Variants in ZFTA observed in about 807,000 individuals in gnomAD.
ZFTA encodes zinc finger translocation associated, also known as zinc finger translocation-associated protein.
A neutral mutation model predicts 41.8 loss-of-function variants in ZFTA; 35 were observed. The ratio of observed to expected loss-of-function variants is 0.84; its 90% CI spans 0.64 to 1.11. The LOEUF is 1.11. Among genes scored for constraint, ZFTA ranks in the 50% most tolerant of loss-of-function variants. ZFTA has a pLI of 0.00. For missense variants in ZFTA, 964 were observed against 989.8 expected (o/e 0.97, Z 0.35); for synonymous variants, 514 against 436.4 (o/e 1.18, Z -2.22).
chr11:63,768,208 C>A (rs1232382774), intron 1 of ZFTA, among the ~76,000 whole-genome samples: 1 of 151,700 alleles, frequency 6.6e-6, no homozygotes. Flanking sequence ...CCCCGTGGGG[C>A]CCCTCGGGCC....
rs907620730 is a variant in ZFTA, at chr11:63,761,677, G to A, written c.*1741C>T. Reference sequence around the variant, plus strand: ...CTCCAATTTACCTATCTGTGAAGGTGAGGAGGGTAGTACTAGTGATCTCCA... The same window carrying A: ...CTCCAATTTACCTATCTGTGAAGGTAAGGAGGGTAGTACTAGTGATCTCCA... On this transcript the variant is annotated 3_prime_UTR_variant, in exon 5 of 5. Coordinates refer to ENST00000433688, the MANE Select transcript of ZFTA (RefSeq NM_001144936.2). The A allele has an allele frequency of 1.3e-5, 2 of 152,298 alleles. No individual in the cohort carries two copies. The highest frequency in any genetic ancestry group is 2.4e-5 in the African/African-American group (1 of 41,448). 9.4% of individuals were successfully genotyped at this position (152,298 alleles called of 1,614,324 possible).
In ZFTA at chr11:63,764,497, C is replaced by T; in HGVS notation, c.1126G>A (p.Glu376Lys). 7.9e-7 allele frequency: 1 copy of T among 1,258,338 alleles called. No individual in the cohort carries two copies. The highest frequency in any genetic ancestry group is 1.0e-6 in the Non-Finnish European group (1 of 996,326). 77.9% of individuals were successfully genotyped at this position (1,258,338 alleles called of 1,614,324 possible). A position where few individuals can be genotyped will look rare whatever the true frequency, so the allele number is the denominator to read the frequency against. ...SQDLSPPDVK[E>K]EAGWVPERPG... ...CTCTCAGGGACCCAGCCAGCCTCTT[C>T]CTTTACGTCTGGGGGGCTGAGATCC... The change falls in exon 4 of 5, where the codon GAA (glutamate) becomes AAA (lysine). Residue 376 changes from glutamate to lysine, a missense_variant. This residue lies in a region of ZFTA where 584 missense variants were observed against 523.1 expected (regional missense o/e 1.12). Transcript: ENST00000433688.
At position 63,763,417 on chromosome 11, in the gene ZFTA, G is replaced by T; in HGVS notation, c.*1C>A. The T allele has an allele frequency of 1.5e-6, 2 of 1,311,542 alleles. No homozygotes were observed. Among genetic ancestry groups the T allele is most frequent in the Non-Finnish European group, 9.7e-7 (1 of 1,029,166 alleles). The allele number at this position is 1,311,542 out of a possible 1,614,324, so 81.2% of individuals were successfully genotyped here. A position where few individuals can be genotyped will look rare whatever the true frequency, so the allele number is the denominator to read the frequency against. ...ACCTGACCCGGGGGCCCGCTAGGCC[G>T]CTACGCCCGACACACAGCGCCAGAC... On this transcript the variant is annotated 3_prime_UTR_variant, in exon 5 of 5. Transcript: ENST00000433688.
chr11:63,765,765 C>T lies in ZFTA; in HGVS notation c.637+42G>A. 1 of 1,434,978 alleles carries T rather than the reference C, an allele frequency of 7.0e-7. No individual in the cohort carries two copies. Among genetic ancestry groups the T allele is most frequent in the Non-Finnish European group, 9.1e-7 (1 of 1,096,426 alleles). 88.9% of individuals were successfully genotyped at this position (1,434,978 alleles called of 1,614,324 possible). A position where few individuals can be genotyped will look rare whatever the true frequency, so the allele number is the denominator to read the frequency against. Reference sequence around the variant, plus strand: ...CAGCTGGCCCACTGTGCCCCACTGGCCACCCAGGCCCCTGCCTGTACAGAA... The same window carrying T: ...CAGCTGGCCCACTGTGCCCCACTGGTCACCCAGGCCCCTGCCTGTACAGAA... On this transcript the variant is annotated intron_variant, in intron 2 of 4. Coordinates refer to ENST00000433688, the MANE Select transcript of ZFTA (RefSeq NM_001144936.2). The surrounding 1 kb of genome is among the most constrained non-coding windows in gnomAD (Gnocchi z 4.0).
At chr11:63,768,343 G>T (rs1342008695) in intron 1 of ZFTA, 141 bp downstream of exon 1, 3 of 365,912 alleles carry the variant, frequency 8.2e-6, no homozygotes, top group African/African-American at 2.2e-5. Flanking sequence ...CTGCAGCCGC[G>T]CTCCGCGCCC....
chr11:63,764,784 A>C, intron 3 of ZFTA, 84 bp downstream of exon 3: 1 of 1,420,032 alleles, frequency 7.0e-7, no homozygotes, highest in Non-Finnish European at 9.2e-7. Flanking sequence ...CCTCAGCCCT[A>C]AGTCCCTGCC....
Position 63,763,760 on chromosome 11 carries a change from A to G in ZFTA, c.1695T>C (p.Pro565=), listed in dbSNP as rs1018257153. The part of the protein sequence containing the change: ...PGGLALPPPP[P]PPPPPPPRSR... ...TGCGGGGCGGGGGCGGAGGCGGGGG[A>G]GGAGGCGGCGGCGGCAAGGCGAGTC... Residue 565 remains proline, a synonymous_variant, in exon 5 of 5, where the codon CCT becomes CCC. Coordinates refer to ENST00000433688, the MANE Select transcript of ZFTA (RefSeq NM_001144936.2). The G allele has an allele frequency of 6.8e-7, 1 of 1,465,564 alleles. No individual in the cohort carries two copies. The highest frequency in any genetic ancestry group is 9.0e-7 in the Non-Finnish European group (1 of 1,110,406). The allele number at this position is 1,465,564 out of a possible 1,614,324, so 90.8% of individuals were successfully genotyped here.
rs533928835 is a variant in ZFTA, at chr11:63,764,383, G to C, written c.1240C>G (p.His414Asp). The change falls in exon 4 of 5, where the codon CAC becomes GAC. Residue 414 changes from histidine (H) to aspartate (D), a missense_variant. His to Asp is a moderately conservative substitution (Grantham distance 81). Around this residue, in one of 5 missense-constraint regions of ZFTA, gnomAD observed 584 missense variants for 523.1 expected, o/e 1.12. Transcript: ENST00000433688. ...CAGCGCTCCTGGGGGTGGCGGCGGT[G>C]GGCGCGGCCCCGCGGCGACCGGCCC... Reference protein sequence around the residue: ...VPGRSPRGRAHRRHPQERWRL... With the variant: ...VPGRSPRGRADRRHPQERWRL... The C allele has an allele frequency of 1.1e-5, 14 of 1,310,568 alleles. No individual in the cohort carries two copies. The highest frequency in any genetic ancestry group is 1.4e-5 in the Non-Finnish European group (14 of 1,034,218). The allele number at this position is 1,310,568 out of a possible 1,614,324, so 81.2% of individuals were successfully genotyped here. A position where few individuals can be genotyped will look rare whatever the true frequency, so the allele number is the denominator to read the frequency against.
chr11:63,764,450 C>A lies in ZFTA; in HGVS notation c.1173G>T (p.Glu391Asp). 1 of 1,266,358 alleles carries A rather than the reference C, an allele frequency of 7.9e-7. No homozygotes were observed. The highest frequency in any genetic ancestry group is 1.0e-6 in the Non-Finnish European group (1 of 1,004,100). 78.4% of individuals were successfully genotyped at this position (1,266,358 alleles called of 1,614,324 possible). A position where few individuals can be genotyped will look rare whatever the true frequency, so the allele number is the denominator to read the frequency against. ...VPERPGPAEE[E>D]EELEEGEGER... ...CGCCCTCGCCCTCCTCCAGCTCCTC[C>A]TCCTCCTCTGCGGGCCCGGGCCTCT... Residue 391 changes from glutamate to aspartate, a missense_variant, in exon 4 of 5, where the codon GAG becomes GAT. Physicochemically the swap from Glu to Asp is conservative, Grantham distance 45. Around this residue, in one of 5 missense-constraint regions of ZFTA, gnomAD observed 584 missense variants for 523.1 expected, o/e 1.12. Transcript: ENST00000433688.
At position 63,764,590 on chromosome 11, in the gene ZFTA, G is replaced by C; in HGVS notation, c.1033C>G (p.Leu345Val). 1.6e-6 allele frequency: 2 copies of C among 1,255,580 alleles called. No homozygotes were observed. The highest frequency in any genetic ancestry group is 3.7e-5 in the South Asian group (1 of 26,676). The allele number at this position is 1,255,580 out of a possible 1,614,324, so 77.8% of individuals were successfully genotyped here. ...ELTQSPPGDDLAPQDLTGKSR... is the reference protein window; with the variant it reads ...ELTQSPPGDDVAPQDLTGKSR... ...TTTCCGGTCAGGTCCTGGGGGGCGA[G>C]GTCATCGCCTGTTGGGGAAGGGGTG... The change falls in exon 4 of 5, where the codon CTC (leucine) becomes GTC (valine). Residue 345 changes from leucine to valine, a missense_variant. By Grantham distance (32) the Leu-to-Val change is conservative. This residue lies in a region of ZFTA where 584 missense variants were observed against 523.1 expected (regional missense o/e 1.12). Coordinates refer to ENST00000433688, the MANE Select transcript of ZFTA (RefSeq NM_001144936.2).
rs1356019295 is a variant in ZFTA at position 63,765,974 on chromosome 11, G to C, written c.470C>G (p.Pro157Arg). The C allele has an allele frequency of 6.4e-7, 1 of 1,551,560 alleles. No homozygotes were observed. Among genetic ancestry groups the C allele is most frequent in the Non-Finnish European group, 8.7e-7 (1 of 1,146,972 alleles). The change falls in exon 2 of 5, where the codon CCC becomes CGC. Residue 157 changes from proline to arginine, a missense_variant. Pro to Arg is a moderately radical substitution (Grantham distance 103). Around this residue, in one of 5 missense-constraint regions of ZFTA, gnomAD observed 141 missense variants for 216.7 expected, o/e 0.65. Transcript: ENST00000433688. The surrounding 1 kb of genome is among the most constrained non-coding windows in gnomAD (Gnocchi z 4.0). ...GTTGCTGATGACTTCCTTCTCCCGG[G>C]GACTCCAATGCAAGGAGTAGGGGTG... Reference protein sequence around the residue: ...QKHPYSLHWSPREKEVISNSW... With the variant: ...QKHPYSLHWSRREKEVISNSW...
chr11:63,768,345 T>G (rs1194605907), intron 1 of ZFTA, 139 bp downstream of exon 1: 1 of 380,892 alleles, frequency 2.6e-6, no homozygotes, highest in Non-Finnish European at 3.7e-6. Context: ...GCAGCCGCGC[T>G]CCGCGCCCAC....
In ZFTA at chr11:63,766,171, A is replaced by G. The variant is rs2014742151; in HGVS notation, c.273T>C (p.Pro91=). ...CACGGCCAGGGATGCGGCTCTTTCCAGGCCTCGAGGCCCGGGCCTCACAGT... is the reference window on the plus strand; with the variant it reads ...CACGGCCAGGGATGCGGCTCTTTCCGGGCCTCGAGGCCCGGGCCTCACAGT... ...SDHCEARASR[P]GKSRIPGRDH... Residue 91 remains proline (P), a synonymous_variant, in exon 2 of 5, where the codon CCT becomes CCC. Transcript: ENST00000433688. 1.3e-6 allele frequency: 2 copies of G among 1,520,318 alleles called. No individual in the cohort carries two copies. The highest frequency in any genetic ancestry group is 8.8e-7 in the Non-Finnish European group (1 of 1,133,108). 94.2% of individuals were successfully genotyped at this position (1,520,318 alleles called of 1,614,324 possible).
rs747443532 is a variant in ZFTA at position 63,765,700 on chromosome 11, G to A, written c.637+107C>T. The A allele has an allele frequency of 1.5e-4, 207 of 1,387,416 alleles. No homozygotes were observed. The highest frequency in any genetic ancestry group is 1.8e-4 in the Admixed American group (6 of 33,082). The allele number at this position is 1,387,416 out of a possible 1,614,324, so 85.9% of individuals were successfully genotyped here. On this transcript the variant is annotated intron_variant, in intron 2 of 4. Transcript: ENST00000433688. This position sits in a 1 kb window ranked among gnomAD's most constrained non-coding sequence, Gnocchi z 4.0. ...AATAAACAGACCCCACCCAGAGGAG[G>A]AGCAGTGCCTTGCTCAAGAACACCA...
At position 63,765,186 on chromosome 11, in the gene ZFTA, G is replaced by T. The variant is rs766636368; in HGVS notation, c.706C>A (p.Arg236Ser). ...CTCCGGGAGGCTGAGAGGCGCAGAC[G>T]CCGAGCCCGGGGTGCCACTGGGCCC... Reference protein sequence around the residue: ...RGGPVAPRARRLRLSASRRAG... With the variant: ...RGGPVAPRARSLRLSASRRAG... The change falls in exon 3 of 5, where the codon CGT becomes AGT. Residue 236 changes from arginine (R) to serine (S), a missense_variant. Around this residue, in one of 5 missense-constraint regions of ZFTA, gnomAD observed 584 missense variants for 523.1 expected, o/e 1.12. Transcript: ENST00000433688. This position sits in a 1 kb window ranked among gnomAD's most constrained non-coding sequence, Gnocchi z 4.0. 2.0e-6 allele frequency: 3 copies of T among 1,521,794 alleles called. No homozygotes were observed. The highest frequency in any genetic ancestry group is 1.4e-5 in the African/African-American group (1 of 71,294). 94.3% of individuals were successfully genotyped at this position (1,521,794 alleles called of 1,614,324 possible). A position where few individuals can be genotyped will look rare whatever the true frequency, so the allele number is the denominator to read the frequency against.
chr11:63,768,451 G>A, intron 1 of ZFTA, 33 bp downstream of exon 1: 3 of 1,097,450 alleles, frequency 2.7e-6, no homozygotes, highest in Non-Finnish European at 3.3e-6. Context: ...CCACGCCGGG[G>A]CCCCCGCCCG....
rs1222978864 is a variant in ZFTA at position 63,763,793 on chromosome 11, C to A, written c.1662G>T (p.Glu554Asp). The part of the protein sequence containing the change: ...EEEEDEEDGQ[E>D]PGGLALPPPP... ...GCGGCGGCAAGGCGAGTCCCCCAGG[C>A]TCCTGGCCGTCCTCTTCGTCCTCCT... The change falls in exon 5 of 5, where the codon GAG becomes GAT. Residue 554 changes from glutamate (E) to aspartate (D), a missense_variant. Transcript: ENST00000433688. 3.4e-6 allele frequency: 5 copies of A among 1,457,230 alleles called. No individual in the cohort carries two copies. Among genetic ancestry groups the A allele is most frequent in the South Asian group, 2.9e-5 (2 of 67,884 alleles). The allele number at this position is 1,457,230 out of a possible 1,614,324, so 90.3% of individuals were successfully genotyped here. A position where few individuals can be genotyped will look rare whatever the true frequency, so the allele number is the denominator to read the frequency against.
chr11:63,768,458 C>T, intron 1 of ZFTA, 26 bp downstream of exon 1: 1 of 1,108,106 alleles, frequency 9.0e-7, no homozygotes, highest in Non-Finnish European at 1.1e-6. Flanking sequence ...GGGGCCCCCG[C>T]CCGGGCCGCC....
chr11:63,764,041 A>ACTCCTCCTCCTCCTCCTCTGG lies in ZFTA; in HGVS notation c.1561_1581dup (p.Pro521_Glu527dup). ...CTGCTCTGGCCCCACCGCTCACCCC[A>ACTCCTCCTCCTCCTCCTCTGG]CTCCTCCTCCTCCTCCTCTGGCTCC... On this transcript the variant is annotated inframe_insertion, in exon 4 of 5. Coordinates refer to ENST00000433688, the MANE Select transcript of ZFTA (RefSeq NM_001144936.2). The ACTCCTCCTCCTCCTCCTCTGG allele has an allele frequency of 1.6e-6, 2 of 1,287,738 alleles. No individual in the cohort carries two copies. Among genetic ancestry groups the ACTCCTCCTCCTCCTCCTCTGG allele is most frequent in the East Asian group, 3.2e-5 (1 of 31,742 alleles). The allele number at this position is 1,287,738 out of a possible 1,614,324, so 79.8% of individuals were successfully genotyped here.
Sources: allele counts gnomAD v4.1 joint callset (sites outside exome capture counted in the v4.1 genomes callset), GRCh38; gene constraint gnomAD v4.1.1; regional missense constraint gnomAD v4.1.1; non-coding constraint Gnocchi (gnomAD v3.1); transcripts MANE v1.5; gene names NCBI Gene and HGNC (gene_info 2026-07-23, HGNC 2026-07-21).